The following TBX5 variants were observed in gnomAD, a reference collection of about 807,000 sequenced individuals.
The protein encoded by TBX5 is T-box transcription factor TBX5.
In TBX5, 8 loss-of-function variants were observed where a neutral mutation model predicts 51.1. The observed-to-expected ratio is 0.16, with a 90% confidence interval of 0.09 to 0.28. The LOEUF (loss-of-function observed/expected upper bound fraction) is 0.28, where lower values mean the gene tolerates loss of function less well. TBX5 is among the 10% of genes least tolerant of loss of function. TBX5 has a pLI of 1.00. For missense variants in TBX5, 589 were observed against 671.7 expected (o/e 0.88, Z 1.36); for synonymous variants, 302 against 266.4 (o/e 1.13, Z -1.30).
At chr12:114,404,020 C>G in intron 1 of TBX5, 84 bp from the exon 2 acceptor site, 1 of 1,448,562 alleles carries the variant, frequency 6.9e-7, no homozygotes. Flanking sequence ...ATTCTAGTGA[C>G]AGGAGGGAGC....
chr12:114,382,019 C>T (rs1870531790), intron 7 of TBX5, among the ~76,000 whole-genome samples: 2 of 152,232 alleles, frequency 1.3e-5, no homozygotes, highest in Non-Finnish European at 2.9e-5. Flanking sequence ...ACACCTAGTC[C>T]AGGCCTCAAG....
At position 114,366,150 on chromosome 12, in the gene TBX5, G is replaced by A. The variant is rs926640743; in HGVS notation, c.982+15C>T. ...TAAGAAAGAAAGCAAATTGACCAGG[G>A]GTGATCACACTCACCTTTCCTCTTG... On this transcript the variant is annotated intron_variant, in intron 8 of 8. Coordinates refer to ENST00000405440, the MANE Select transcript of TBX5 (RefSeq NM_181486.4). 4.3e-6 allele frequency: 7 copies of A among 1,613,152 alleles called. No individual in the cohort carries two copies. Among genetic ancestry groups the A allele is most frequent in the African/African-American group, 4.0e-5 (3 of 74,874 alleles).
At chr12:114,358,069 G>A (rs1407519471) in intron 8 of TBX5, among the ~76,000 whole-genome samples, 1 of 152,200 alleles carries the variant, frequency 6.6e-6, no homozygotes, top group African/African-American at 2.4e-5. Context: ...GAAGTGACTT[G>A]CCCAAGGTCA....
At chr12:114,372,576 G>A (rs973290404) in intron 7 of TBX5, among the ~76,000 whole-genome samples, 9 of 151,990 alleles carry the variant, frequency 5.9e-5, no homozygotes, top group African/African-American at 1.7e-4. Context: ...AAAGCACTGG[G>A]ATAATAGACA....
chr12:114,362,241 G>T (rs1307594510), intron 8 of TBX5, among the ~76,000 whole-genome samples: 1 of 152,166 alleles, frequency 6.6e-6, no homozygotes, highest in African/African-American at 2.4e-5. Context: ...CACAGTGACT[G>T]CTTCCAAATA....
At chr12:114,382,907 G>T (rs1302699474) in intron 7 of TBX5, among the ~76,000 whole-genome samples, 1 of 150,852 alleles carries the variant, frequency 6.6e-6, no homozygotes, top group East Asian at 1.9e-4. Context: ...GCCTGTGGAT[G>T]TCAGGGCTGC....
rs558315238 is a variant in TBX5, at chr12:114,402,196, A to G, written c.148-276T>C. On this transcript the variant is annotated intron_variant, in intron 2 of 8. Transcript: ENST00000405440. ...CTTCTAATGCCATCAGCACAAGGCT[A>G]TGGAGTGATCACCCACCATCAGGGT... Among the ~76,000 whole-genome samples the G allele has an allele frequency of 4.6e-5, 7 of 152,306 alleles. No individual in the cohort carries two copies. The South Asian group carries it at 1.5e-3, about 32-fold the overall frequency.
chr12:114,367,032 T>A (rs2136374589), intron 7 of TBX5, among the ~76,000 whole-genome samples: 1 of 152,128 alleles, frequency 6.6e-6, no homozygotes, highest in East Asian at 1.9e-4. Flanking sequence ...CAAAGGGCTG[T>A]TGATAGAAGA....
At chr12:114,365,198 G>C (rs11067079) in intron 8 of TBX5, among the ~76,000 whole-genome samples, 5,519 of 147,556 alleles carry the variant, frequency 0.037, 415 homozygotes, top group East Asian at 0.35. Flanking sequence ...GTGTGTGTTG[G>C]TTTTGATCAG....
chr12:114,364,295 G>T (rs1321505305), intron 8 of TBX5, among the ~76,000 whole-genome samples: 1 of 152,200 alleles, frequency 6.6e-6, no homozygotes, highest in South Asian at 2.1e-4. Flanking sequence ...GACCACTGAG[G>T]CTGTGAGGTT....
At chr12:114,374,524 A>G (rs1347809810) in intron 7 of TBX5, among the ~76,000 whole-genome samples, 2 of 152,208 alleles carry the variant, frequency 1.3e-5, no homozygotes, top group Non-Finnish European at 2.9e-5. Flanking sequence ...TCCTATTTAT[A>G]TGAAATTCTA....
At chr12:114,390,964 C>T (rs1871114283) in intron 6 of TBX5, among the ~76,000 whole-genome samples, 1 of 152,180 alleles carries the variant, frequency 6.6e-6, no homozygotes, top group South Asian at 2.1e-4. Flanking sequence ...CCCGAGATCA[C>T]AGCTGGGCTG....
chr12:114,365,968 T>A, intron 8 of TBX5, 197 bp downstream of exon 8: 2 of 677,232 alleles, frequency 3.0e-6, no homozygotes, highest in East Asian at 2.7e-5. Flanking sequence ...GGGCTGGAAC[T>A]GGGGGTAGGA....
rs200078178 is a variant in TBX5 at position 114,366,141 on chromosome 12, T to C, written c.982+24A>G. ...AGGAAAAGGTAAGAAAGAAAGCAAA[T>C]TGACCAGGGGTGATCACACTCACCT... On this transcript the variant is annotated intron_variant, in intron 8 of 8. Coordinates refer to ENST00000405440, the MANE Select transcript of TBX5 (RefSeq NM_181486.4). The C allele has an allele frequency of 1.9e-4, 312 of 1,612,362 alleles. 2 individuals carry two copies. The highest frequency in any genetic ancestry group is 9.9e-4 in the Middle Eastern group (6 of 6,056).
At chr12:114,357,486 G>A (rs1868990266) in intron 8 of TBX5, among the ~76,000 whole-genome samples, 2 of 152,080 alleles carry the variant, frequency 1.3e-5, no homozygotes, top group African/African-American at 4.8e-5. Flanking sequence ...ATACCAGCAG[G>A]GCATCTACGC....
Position 114,403,769 on chromosome 12 carries a change from C to G in TBX5, c.130G>C (p.Ala44Pro). 1.9e-6 allele frequency: 3 copies of G among 1,613,774 alleles called. No individual in the cohort carries two copies. Among genetic ancestry groups the G allele is most frequent in the Non-Finnish European group, 2.5e-6 (3 of 1,180,004 alleles). The change falls in exon 2 of 9, where the codon GCC (alanine) becomes CCC (proline). Residue 44 changes from alanine (A) to proline (P), a missense_variant. Coordinates refer to ENST00000405440, the MANE Select transcript of TBX5 (RefSeq NM_181486.4). Reference protein sequence around the residue: ...APSKSPSSPQAAFTQQGMEGI... With the variant: ...APSKSPSSPQPAFTQQGMEGI... Reference sequence around the variant, plus strand: ...CTCCTTACCTGCTGGGTGAAGGCGGCCTGCGGGGACGACGGGGACTTGCTG... The same window carrying G: ...CTCCTTACCTGCTGGGTGAAGGCGGGCTGCGGGGACGACGGGGACTTGCTG...
At chr12:114,368,195 C>T (rs182429287) in intron 7 of TBX5, among the ~76,000 whole-genome samples, 20 of 152,184 alleles carry the variant, frequency 1.3e-4, no homozygotes, top group East Asian at 9.7e-4. Flanking sequence ...GCAATTAAGA[C>T]GAATGTTTAT....
At chr12:114,387,574 C>G (rs138510093) in intron 6 of TBX5, among the ~76,000 whole-genome samples, 371 of 152,214 alleles carry the variant, frequency 2.4e-3, no homozygotes, top group East Asian at 0.011. Context: ...CCCTATGATA[C>G]TATAAAGGCA....
intron 5 of TBX5, among the ~76,000 whole-genome samples, chr12:114,396,871 G>A (rs1361463481): frequency 6.6e-6 from 1 of 152,172 alleles, no homozygotes; most frequent in Non-Finnish European, 1.5e-5. Flanking sequence ...AGCACCTCCT[G>A]GGAAGCCCAG....
Sources: allele counts gnomAD v4.1 joint callset (sites outside exome capture counted in the v4.1 genomes callset), GRCh38; gene constraint gnomAD v4.1.1; transcripts MANE v1.5; gene names NCBI Gene and HGNC (gene_info 2026-07-23, HGNC 2026-07-21).